CD177: variants seen among roughly 807,000 people sequenced by gnomAD.
The protein encoded by CD177 is CD177 molecule, also known as CD177 antigen.
A neutral mutation model predicts 38.1 loss-of-function variants in CD177; 41 were observed. The ratio of observed to expected loss-of-function variants is 1.07; its 90% confidence interval spans 0.84 to 1.39. The LOEUF is 1.39. Among genes scored for constraint, CD177 ranks in the 40% most tolerant of loss-of-function variants. The pLI is 0.00. For synonymous variants in CD177, 236 were observed against 216.7 expected (o/e 1.09, Z -0.78); for missense variants, 619 against 523.8 (o/e 1.18, Z -1.77).
In CD177 at chr19:43,362,170, G is replaced by T. The variant is rs752895773; in HGVS notation, c.1164G>T (p.Gly388=). ...SFLLNHTRQI[G]IFSAREKRDV... ...TGTTGAACCACACCAGACAAATCGG[G>T]ATCTTCTCTGCGCGTGAGAAGCGTG... The change falls in exon 9 of 9, where the codon GGG becomes GGT. Residue 388 remains glycine (G), a synonymous_variant. Transcript: ENST00000618265. The T allele has an allele frequency of 1.2e-6, 2 of 1,613,652 alleles. No individual in the cohort carries two copies. Among genetic ancestry groups the T allele is most frequent in the Admixed American group, 1.7e-5 (1 of 59,998 alleles).
chr19:43,362,304 T>A lies in CD177; in HGVS notation c.1298T>A (p.Val433Asp). 6.5e-7 allele frequency: 1 copy of A among 1,539,286 alleles called. No homozygotes were observed. Among genetic ancestry groups the A allele is most frequent in the Non-Finnish European group, 8.9e-7 (1 of 1,119,422 alleles). ...ALAPALWWGV[V>D]CPSC Reference sequence around the variant, plus strand: ...GCCCCAGCGCTGTGGTGGGGAGTGGTTTGCCCTTCCTGCTAACTCTATTAC... The same window carrying A: ...GCCCCAGCGCTGTGGTGGGGAGTGGATTGCCCTTCCTGCTAACTCTATTAC... Residue 433 changes from valine (V) to aspartate (D), a missense_variant, in exon 9 of 9, where the codon GTT becomes GAT. Val to Asp is a radical substitution (Grantham distance 152). Coordinates refer to ENST00000618265, the MANE Select transcript of CD177 (RefSeq NM_020406.4).
chr19:43,362,947 A>T lies in CD177; in HGVS notation c.*627A>T, dbSNP rs577538503. 3 of 152,266 alleles carry T rather than the reference A, an allele frequency of 2.0e-5. No homozygotes were observed. Among genetic ancestry groups the T allele is most frequent in the Admixed American group, 1.3e-4 (2 of 15,308 alleles). The allele number at this position is 152,266 out of a possible 1,614,324, so 9.4% of individuals were successfully genotyped here. On this transcript the variant is annotated 3_prime_UTR_variant, in exon 9 of 9. Transcript: ENST00000618265. ...AAATGTGTCGTTAGGTGATTTTATG[A>T]CCATAGGAACATTGTAGCGTGCACT...
chr19:43,362,945 T>A lies in CD177; in HGVS notation c.*625T>A, dbSNP rs1308999026. 1 of 152,262 alleles carries A rather than the reference T, an allele frequency of 6.6e-6. No individual in the cohort carries two copies. 9.4% of individuals were successfully genotyped at this position (152,262 alleles called of 1,614,324 possible). The stretch of plus-strand genomic sequence containing the variant: ...AGAAATGTGTCGTTAGGTGATTTTA[T>A]GACCATAGGAACATTGTAGCGTGCA... On this transcript the variant is annotated 3_prime_UTR_variant, in exon 9 of 9. Coordinates refer to ENST00000618265, the MANE Select transcript of CD177 (RefSeq NM_020406.4).
rs779761892 is a variant in CD177, at chr19:43,354,392, G to A, written c.379G>A (p.Asp127Asn). ...GCTTTGGGCCCCACAGCCCCCAGCA[G>A]GTGCCTGCGGGAGGGTCGGGAGGAG... Reference protein sequence around the residue: ...LPLWAPQPPADPGSLRCPVCL... With the variant: ...LPLWAPQPPANPGSLRCPVCL... Residue 127 changes from aspartate (D) to asparagine (N), a missense_variant and splice_region_variant, in exon 3 of 9, where the codon GAC (aspartate) becomes AAC (asparagine). Physicochemically the swap from Asp to Asn is conservative, Grantham distance 23 (BLOSUM62 1). Coordinates refer to ENST00000618265, the MANE Select transcript of CD177 (RefSeq NM_020406.4). 1.2e-6 allele frequency: 2 copies of A among 1,613,814 alleles called. No individual in the cohort carries two copies. Among genetic ancestry groups the A allele is most frequent in the Non-Finnish European group, 1.7e-6 (2 of 1,179,852 alleles).
In CD177 at chr19:43,353,945, T is replaced by TGCGACA; in HGVS notation, c.149_154dup (p.Asp50_Ser51dup). On this transcript the variant is annotated inframe_insertion, in exon 2 of 9. Transcript: ENST00000618265. ...GCAATGGACCCCTAAGAACACCAGC[T>TGCGACA]GCGACAGCGGCTTGGGGTGCCAGGA... 6.2e-7 allele frequency: 1 copy of TGCGACA among 1,613,894 alleles called. No homozygotes were observed. Among genetic ancestry groups the TGCGACA allele is most frequent in the Non-Finnish European group, 8.5e-7 (1 of 1,179,842 alleles).
chr19:43,355,270 C>G (rs554420017), intron 3 of CD177, among the ~76,000 whole-genome samples: 1 of 151,172 alleles, frequency 6.6e-6, no homozygotes, highest in East Asian at 1.9e-4. Flanking sequence ...CCTGCCACCA[C>G]GCCCGGCTAA....
intron 8 of CD177, 86 bp from the exon 9 acceptor site, chr19:43,362,002 A>T: frequency 8.8e-7 from 1 of 1,132,402 alleles, no homozygotes; most frequent in Non-Finnish European, 1.3e-6. Flanking sequence ...GGTCTGAGGG[A>T]GGAGGGTCTG....
At chr19:43,361,654 T>G (rs1250554119) in intron 8 of CD177, 75 bp downstream of exon 8, 72 of 1,448,688 alleles carry the variant, frequency 5.0e-5, no homozygotes, top group Non-Finnish European at 6.2e-5. Context: ...GAGGAGGGGC[T>G]GGGGGCCTGG....
At chr19:43,355,850 C>G in intron 4 of CD177, 67 bp downstream of exon 4, 3 of 1,604,590 alleles carry the variant, frequency 1.9e-6, no homozygotes, top group Non-Finnish European at 2.6e-6. Flanking sequence ...AGATCTTAGG[C>G]TTTGGGGAGT....
At chr19:43,355,371 C>G (rs1381424129) in intron 3 of CD177, 1 of 407,864 alleles carries the variant, frequency 2.5e-6, no homozygotes, top group Non-Finnish European at 4.9e-6. Context: ...CTCAGCCTCC[C>G]AAAGTGCTGG....
Position 43,363,030 on chromosome 19 carries a change from T to A in CD177, c.*710T>A, listed in dbSNP as rs117053000. 3,739 of 152,334 alleles carry A rather than the reference T, an allele frequency of 0.025. 77 individuals are homozygous for A. The highest frequency in any genetic ancestry group is 0.099 in the Middle Eastern group (29 of 294). 9.4% of individuals were successfully genotyped at this position (152,334 alleles called of 1,614,324 possible). A position where few individuals can be genotyped will look rare whatever the true frequency, so the allele number is the denominator to read the frequency against. Reference sequence around the variant, plus strand: ...ACCCAGGATGGACGCTAGAGTCGACTGCTCCTAGGCTACAAGCCTGCAGTG... The same window carrying A: ...ACCCAGGATGGACGCTAGAGTCGACAGCTCCTAGGCTACAAGCCTGCAGTG... On this transcript the variant is annotated 3_prime_UTR_variant, in exon 9 of 9. Coordinates refer to ENST00000618265, the MANE Select transcript of CD177 (RefSeq NM_020406.4).
At chr19:43,363,826 G>A (rs985134646), downstream of CD177, among the ~76,000 whole-genome samples, 3 of 152,152 alleles carry the variant, frequency 2.0e-5, no homozygotes, top group South Asian at 2.1e-4. Flanking sequence ...GGTGGCTCAC[G>A]CCTATAATGC....
Position 43,362,350 on chromosome 19 carries a change from GCTGACCACCCACA to G in CD177, c.*33_*45del. On this transcript the variant is annotated 3_prime_UTR_variant, in exon 9 of 9. Coordinates refer to ENST00000618265, the MANE Select transcript of CD177 (RefSeq NM_020406.4). ...ATTACCCCCACGATTCTTCACCGCT[GCTGACCACCCACA>G]CTCAACCTCCCTCTGACCTCATAAC... is the stretch of plus-strand genomic sequence containing the variant. The G allele has an allele frequency of 9.5e-7, 1 of 1,052,208 alleles. No homozygotes were observed. Among genetic ancestry groups the G allele is most frequent in the Non-Finnish European group, 1.4e-6 (1 of 715,070 alleles). The allele number at this position is 1,052,208 out of a possible 1,614,324, so 65.2% of individuals were successfully genotyped here.
chr19:43,361,664 G>A (rs2122250722), intron 8 of CD177, 85 bp downstream of exon 8: 1 of 1,416,030 alleles, frequency 7.1e-7, no homozygotes, highest in East Asian at 2.5e-5. Flanking sequence ...TGGGGGCCTG[G>A]ACTCCTGGTC....
At position 43,362,492 on chromosome 19, in the gene CD177, C is replaced by T; in HGVS notation, c.*172C>T. On this transcript the variant is annotated 3_prime_UTR_variant, in exon 9 of 9. Coordinates refer to ENST00000618265, the MANE Select transcript of CD177 (RefSeq NM_020406.4). ...CACCTAACAGCAACACTGGGGAGAG[C>T]CTGGAGCATCCGGACTTGCCCTATG... 1 of 522,036 alleles carries T rather than the reference C, an allele frequency of 1.9e-6. No individual in the cohort carries two copies. The highest frequency in any genetic ancestry group is 3.4e-6 in the Non-Finnish European group (1 of 294,264). The allele number at this position is 522,036 out of a possible 1,614,324, so 32.3% of individuals were successfully genotyped here. A position where few individuals can be genotyped will look rare whatever the true frequency, so the allele number is the denominator to read the frequency against.
downstream of CD177, among the ~76,000 whole-genome samples, chr19:43,363,399 TAGAC>T (rs1970002251): frequency 6.6e-6 from 1 of 150,908 alleles, no homozygotes; most frequent in Non-Finnish European, 1.5e-5. Context: ...GAGAGAGACA[TAGAC>T]AGAAAGAGAC....
intron 5 of CD177, among the ~76,000 whole-genome samples, 166 bp from the exon 6 acceptor site, chr19:43,360,099 G>A (rs1360849817): frequency 6.6e-6 from 1 of 151,888 alleles, no homozygotes; most frequent in Non-Finnish European, 1.5e-5. Flanking sequence ...CAATGGGGGT[G>A]GGATTTCGAC....
In CD177 at chr19:43,354,078, G is replaced by T. The variant is rs114450936; in HGVS notation, c.193+85G>T. 11 of 1,571,096 alleles carry T rather than the reference G, an allele frequency of 7.0e-6. No individual in the cohort carries two copies. The South Asian group carries it at 1.3e-4, about 19-fold the overall frequency. On this transcript the variant is annotated intron_variant, in intron 2 of 8. Transcript: ENST00000618265. Reference sequence around the variant, plus strand: ...GCAGGGACCCGGGAGCCACCCCTCCGGGGGATCGACTCCTAGGGTCCCGGT... The same window carrying T: ...GCAGGGACCCGGGAGCCACCCCTCCTGGGGATCGACTCCTAGGGTCCCGGT...
At chr19:43,355,400 C>G in intron 3 of CD177, 3 of 449,412 alleles carry the variant, frequency 6.7e-6, no homozygotes, top group Non-Finnish European at 1.3e-5. Flanking sequence ...GTGTGAGTCA[C>G]CACACCCAGC....
Sources: gnomAD v4.1 joint callset for allele counts (sites outside exome capture counted in the v4.1 genomes callset) on GRCh38, gnomAD v4.1.1 for gene constraint, MANE v1.5 for transcripts, NCBI Gene and HGNC (gene_info 2026-07-23, HGNC 2026-07-21) for gene names.